Variants in PDE10A observed in about 807,000 individuals in gnomAD.
PDE10A encodes phosphodiesterase 10A, also known as cAMP and cAMP-inhibited cGMP 3',5'-cyclic phosphodiesterase 10A.
PDE10A carries 39 observed loss-of-function variants against 97.7 expected under a neutral mutation model. That is an observed-to-expected ratio of 0.40 (90% CI 0.31 to 0.52). The LOEUF (loss-of-function observed/expected upper bound fraction) is 0.52, where lower values mean the gene tolerates loss of function less well. Ranked by LOEUF, PDE10A falls within the 20% of genes least tolerant of loss-of-function variation. The probability of loss-of-function intolerance (pLI) is 0.56; values close to 1 mark genes in which losing one functional copy is unlikely to be tolerated. For synonymous variants in PDE10A, 371 were observed against 376.8 expected, an observed-to-expected ratio of 0.98 and a Z score of 0.18; for missense variants, 731 against 1,047.8, an observed-to-expected ratio of 0.70 and a Z score of 4.17.
chr6:165,450,893 C>T (rs894363562), intron 3 of PDE10A, among the ~76,000 whole-genome samples: 3 of 152,086 alleles, frequency 2.0e-5, no homozygotes, highest in Non-Finnish European at 4.4e-5. Flanking sequence ...CCATAGACTG[C>T]GTCTATGCAG....
intron 1 of PDE10A, among the ~76,000 whole-genome samples, chr6:165,774,671 T>G (rs1778116577): frequency 6.7e-6 from 1 of 149,328 alleles, no homozygotes; most frequent in East Asian, 1.9e-4. Flanking sequence ...TGATAGTTAC[T>G]GCTTCTGGAG....
chr6:165,398,321 A>C (rs887368197), intron 13 of PDE10A, among the ~76,000 whole-genome samples: 6 of 152,182 alleles, frequency 3.9e-5, no homozygotes, highest in Non-Finnish European at 8.8e-5. Context: ...TCTACTAAAA[A>C]CACAGAAAAA....
chr6:165,339,425 T>C (rs1781844699), intron 19 of PDE10A, 67 bp from the exon 20 acceptor site: 1 of 956,148 alleles, frequency 1.0e-6, no homozygotes, highest in Middle Eastern at 2.1e-4. Flanking sequence ...TTGATATTAT[T>C]GAATTATTCC....
rs144886457 is a variant in PDE10A, at chr6:165,935,606, A to G, written c.-615+51923T>C. Among the ~76,000 whole-genome samples, 187 of 152,340 alleles carry G rather than the reference A, an allele frequency of 1.2e-3. 1 individual carries two copies. Among genetic ancestry groups the G allele is most frequent in the African/African-American group, 4.3e-3 (180 of 41,582 alleles). ...GGAGGAGAGTGGATATGTTTGAGAG[A>G]ACATTCACTGGGAGAACAAAAGTAG... is the stretch of plus-strand genomic sequence containing the variant. On this transcript the variant is annotated intron_variant, in intron 1 of 19. Transcript: ENST00000366882.
Position 165,662,618 on chromosome 6 carries a change from G to GA in PDE10A, c.193_194insT (p.Pro65LeufsTer116), listed in dbSNP as rs1790342231. On this transcript the variant is annotated frameshift_variant, in exon 1 of 22. Coordinates refer to ENST00000539869, the MANE Select transcript of PDE10A (RefSeq NM_001385079.1). LOFTEE classifies it high-confidence loss of function. ...GCCTGCGGAGGAGAGGGGCGGGCGC[G>GA]GGGGCGCGGCGCGCTCCGCCCGGCC... The GA allele has an allele frequency of 6.9e-6, 1 of 143,994 alleles. No homozygotes were observed. The highest frequency in any genetic ancestry group is 2.5e-5 in the African/African-American group (1 of 40,240). The allele number at this position is 143,994 out of a possible 1,614,324, so 8.9% of individuals were successfully genotyped here.
At chr6:165,479,727 A>G (rs1202089805) in intron 3 of PDE10A, among the ~76,000 whole-genome samples, 1 of 152,200 alleles carries the variant, frequency 6.6e-6, no homozygotes. Flanking sequence ...TCACCATTGT[A>G]TCCACAGCAC....
At chr6:165,620,926 CA>C (rs1339902028) in intron 1 of PDE10A, among the ~76,000 whole-genome samples, 2 of 150,624 alleles carry the variant, frequency 1.3e-5, no homozygotes, top group African/African-American at 4.9e-5. Flanking sequence ...GAGGCTGAGA[CA>C]GGGGAATCGA....
chr6:165,659,974 A>T (rs1790155327), intron 1 of PDE10A: 1 of 152,512 alleles, frequency 6.6e-6, no homozygotes, highest in Non-Finnish European at 1.5e-5. Context: ...GAAGCCTACG[A>T]TCCCGTGCCT....
rs527462952 is a variant in PDE10A at position 165,596,677 on chromosome 6, C to T, written c.866-53109G>A. On this transcript the variant is annotated intron_variant, in intron 1 of 21. Transcript: ENST00000539869. ...CCCATGAGGTGGAGGCTGCAGGTAG[C>T]CATGATTGTACCACTGCACTCAGCC... 2.6e-5 allele frequency among the ~76,000 whole-genome samples: 4 copies of T among 152,198 alleles called. No individual in the cohort carries two copies. In the South Asian group the frequency reaches 8.3e-4, roughly 32 times the overall value.
intron 13 of PDE10A, 110 bp downstream of exon 13, chr6:165,413,391 T>C (rs1788048279): frequency 4.6e-6 from 3 of 651,346 alleles, no homozygotes; most frequent in Non-Finnish European, 7.4e-6. Context: ...CTTTTCCTGG[T>C]TTGTAAAGGA....
chr6:165,498,411 A>G (rs1780664302), intron 2 of PDE10A, among the ~76,000 whole-genome samples: 1 of 126,438 alleles, frequency 7.9e-6, no homozygotes, highest in South Asian at 3.1e-4. Flanking sequence ...TGACAGAGCA[A>G]GACCCTGTCT....
chr6:165,875,747 T>TTTTTTTTTTTTTTTTTTTGC (rs1781324993), intron 1 of PDE10A, among the ~76,000 whole-genome samples: 2 of 133,126 alleles, frequency 1.5e-5, no homozygotes, highest in African/African-American at 6.1e-5. Context: ...TTTTTTTTTT[T>TTTTTTTTTTTTTTTTTTTGC]GTGTGTGTGT....
At chr6:165,586,729 A>T (rs908664002) in intron 1 of PDE10A, among the ~76,000 whole-genome samples, 1 of 152,230 alleles carries the variant, frequency 6.6e-6, no homozygotes, top group Non-Finnish European at 1.5e-5. Context: ...TAATACTTTA[A>T]GTGACTTTTC....
intron 1 of PDE10A, among the ~76,000 whole-genome samples, chr6:165,871,362 G>T (rs1389091037): frequency 2.0e-5 from 3 of 152,168 alleles, no homozygotes; most frequent in Admixed American, 1.3e-4. Context: ...AGCAAGAAAA[G>T]CTACAGATGT....
chr6:165,774,619 A>G (rs1241482216), intron 1 of PDE10A, among the ~76,000 whole-genome samples: 1 of 148,058 alleles, frequency 6.8e-6, no homozygotes, highest in Non-Finnish European at 1.5e-5. Context: ...TATAATATAT[A>G]TAAAATAAAT....
chr6:165,485,477 A>AAAAT (rs1240815945), intron 2 of PDE10A, among the ~76,000 whole-genome samples: 11 of 151,792 alleles, frequency 7.2e-5, no homozygotes, highest in East Asian at 1.9e-4. Flanking sequence ...CAAAAAAAAA[A>AAAAT]AAAAAAAAAG....
At chr6:165,548,092 A>G (rs1266086335) in intron 1 of PDE10A, among the ~76,000 whole-genome samples, 1 of 151,268 alleles carries the variant, frequency 6.6e-6, no homozygotes, top group Non-Finnish European at 1.5e-5. Flanking sequence ...AATATTTTCC[A>G]TCTCTACCAC....
intron 1 of PDE10A, among the ~76,000 whole-genome samples, chr6:165,691,106 T>TCCCCCCCCCCC (rs35264122): frequency 2.6e-5 from 1 of 39,094 alleles, no homozygotes; most frequent in African/African-American, 1.1e-4. Flanking sequence ...TCTTTCTCTC[T>TCCCCCCCCCCC]CCCCCCCCCC....
At chr6:165,758,348 C>A (rs1407419706) in intron 1 of PDE10A, among the ~76,000 whole-genome samples, 1 of 152,102 alleles carries the variant, frequency 6.6e-6, no homozygotes, top group Non-Finnish European at 1.5e-5. Context: ...GTAATCCCAG[C>A]TACTTGGGAG....
Sources: allele counts gnomAD v4.1 joint callset (sites outside exome capture counted in the v4.1 genomes callset), GRCh38; gene constraint gnomAD v4.1.1; transcripts MANE v1.5; gene names NCBI Gene and HGNC (gene_info 2026-07-23, HGNC 2026-07-21).